The following LRRC4C variants were observed in gnomAD, a reference collection of about 807,000 sequenced individuals.
The protein encoded by LRRC4C is leucine rich repeat containing 4C, also known as leucine-rich repeat-containing protein 4C.
In LRRC4C, 5 loss-of-function variants were observed where a neutral mutation model predicts 33.6. The ratio of observed to expected loss-of-function variants is 0.15; its 90% confidence interval spans 0.08 to 0.31. The LOEUF is 0.31. Ranked by LOEUF, LRRC4C falls within the 10% of genes least tolerant of loss-of-function variation. LRRC4C has a pLI of 1.00. For synonymous variants in LRRC4C, 329 were observed against 302.0 expected, an observed-to-expected ratio of 1.09 and a Z score of -0.93; for missense variants, 560 against 796.7, an observed-to-expected ratio of 0.70 and a Z score of 3.58.
intron 3 of LRRC4C, among the ~76,000 whole-genome samples, chr11:40,585,165 A>T (rs1958663180): frequency 6.6e-6 from 1 of 152,138 alleles, no homozygotes. Flanking sequence ...AATAACTCAC[A>T]GGGACAGCAG....
At chr11:41,050,185 T>C (rs1277571715) in intron 1 of LRRC4C, among the ~76,000 whole-genome samples, 4 of 152,180 alleles carry the variant, frequency 2.6e-5, no homozygotes, top group African/African-American at 9.6e-5. Flanking sequence ...ATTCCATCAC[T>C]TAATAGTTCT....
At chr11:40,125,660 CAAGTT>C (rs895906072) in intron 6 of LRRC4C, among the ~76,000 whole-genome samples, 2 of 151,870 alleles carry the variant, frequency 1.3e-5, no homozygotes, top group Non-Finnish European at 2.9e-5. Flanking sequence ...TCAAAGGAAA[CAAGTT>C]AAGGTAAAGC....
intron 2 of LRRC4C, among the ~76,000 whole-genome samples, chr11:40,711,230 C>T (rs1355800777): frequency 6.6e-6 from 1 of 152,144 alleles, no homozygotes; most frequent in Non-Finnish European, 1.5e-5. Flanking sequence ...GTGAGATGAA[C>T]CAGGTACCTC....
intron 3 of LRRC4C, among the ~76,000 whole-genome samples, chr11:40,504,175 A>G (rs1356134294): frequency 6.6e-6 from 1 of 152,002 alleles, no homozygotes; most frequent in Non-Finnish European, 1.5e-5. Context: ...TTTTTTTAAC[A>G]TTTATCATCT....
intron 1 of LRRC4C, among the ~76,000 whole-genome samples, chr11:41,299,627 A>T (rs1950232268): frequency 1.3e-5 from 2 of 152,160 alleles, no homozygotes; most frequent in African/African-American, 4.8e-5. Context: ...TGAATTTATG[A>T]TCCATCATGA....
intron 1 of LRRC4C, among the ~76,000 whole-genome samples, chr11:41,403,801 T>C (rs1337814090): frequency 6.6e-6 from 1 of 152,102 alleles, no homozygotes; most frequent in Non-Finnish European, 1.5e-5. Flanking sequence ...GTTGATTACA[T>C]TTTTACCCTC....
chr11:40,592,638 C>A (rs992832768), intron 3 of LRRC4C, among the ~76,000 whole-genome samples: 22 of 151,886 alleles, frequency 1.4e-4, no homozygotes, highest in African/African-American at 5.3e-4. Flanking sequence ...CTGGCCTTAG[C>A]TGCTTCTGGT....
chr11:40,560,992 C>T (rs1210668835), intron 3 of LRRC4C, among the ~76,000 whole-genome samples: 1 of 152,080 alleles, frequency 6.6e-6, no homozygotes, highest in Non-Finnish European at 1.5e-5. Context: ...CAATAAATAT[C>T]CTTTGTTTTC....
intron 2 of LRRC4C, among the ~76,000 whole-genome samples, chr11:40,892,731 A>T (rs957511778): frequency 6.6e-6 from 1 of 152,214 alleles, no homozygotes; most frequent in Non-Finnish European, 1.5e-5. Context: ...GGTACCTAGA[A>T]TAGGAAAATA....
At chr11:40,506,566 A>G (rs1590946787) in intron 3 of LRRC4C, among the ~76,000 whole-genome samples, 2 of 152,180 alleles carry the variant, frequency 1.3e-5, no homozygotes, top group South Asian at 2.1e-4. Context: ...GGCCAAAGGA[A>G]ATATATTTGC....
intron 3 of LRRC4C, among the ~76,000 whole-genome samples, chr11:40,335,697 C>T (rs1274404169): frequency 6.6e-6 from 1 of 152,198 alleles, no homozygotes; most frequent in Non-Finnish European, 1.5e-5. Context: ...GAAGACTTCA[C>T]TTTTTATAAG....
intron 2 of LRRC4C, among the ~76,000 whole-genome samples, chr11:40,725,638 C>T (rs1362605340): frequency 6.6e-6 from 1 of 152,002 alleles, no homozygotes; most frequent in Non-Finnish European, 1.5e-5. Context: ...AAAAATCATA[C>T]CTTGGGTGGA....
chr11:40,545,404 T>G (rs965966938), intron 3 of LRRC4C, among the ~76,000 whole-genome samples: 2 of 151,946 alleles, frequency 1.3e-5, no homozygotes, highest in African/African-American at 4.8e-5. Context: ...AAAGAGTGGT[T>G]TTTTACAGAA....
At chr11:40,208,373 C>T (rs995878775) in intron 5 of LRRC4C, among the ~76,000 whole-genome samples, 1 of 152,124 alleles carries the variant, frequency 6.6e-6, no homozygotes, top group Non-Finnish European at 1.5e-5. Flanking sequence ...AGTCAGATAC[C>T]TACAATTTAC....
intron 1 of LRRC4C, among the ~76,000 whole-genome samples, chr11:40,960,588 G>A (rs559151480): frequency 1.3e-5 from 2 of 151,794 alleles, no homozygotes; most frequent in South Asian, 4.1e-4. Context: ...TGGAAATTAA[G>A]TTTTATACTT....
intron 1 of LRRC4C, among the ~76,000 whole-genome samples, chr11:41,084,629 A>G (rs1309620292): frequency 6.6e-6 from 1 of 152,072 alleles, no homozygotes; most frequent in African/African-American, 2.4e-5. Flanking sequence ...CGGGTGGATC[A>G]CCTGAGGTCA....
chr11:40,176,615 G>A (rs942585654), intron 5 of LRRC4C, among the ~76,000 whole-genome samples: 6 of 148,768 alleles, frequency 4.0e-5, no homozygotes, highest in South Asian at 2.1e-4. Flanking sequence ...AACATAGCTC[G>A]TTGCAGACTT....
rs189371067 is a variant in LRRC4C, at chr11:40,260,945, A to C, written c.-175-19347T>G. ...ACCCAGGCTGGAGTGCAGCGTTGCA[A>C]TCATAGCTCACTGTAACTTTGAACT... is the stretch of plus-strand genomic sequence containing the variant. On this transcript the variant is annotated intron_variant, in intron 4 of 6. Transcript: ENST00000528697. Among the ~76,000 whole-genome samples, 160 of 152,252 alleles carry C rather than the reference A, an allele frequency of 1.1e-3. 2 individuals are homozygous for C. The East Asian group carries it at 0.026, about 24-fold the overall frequency.
At chr11:40,755,279 T>C (rs907575328) in intron 2 of LRRC4C, among the ~76,000 whole-genome samples, 2 of 152,098 alleles carry the variant, frequency 1.3e-5, no homozygotes, top group African/African-American at 4.8e-5. Context: ...TGAGCTCTTT[T>C]ACTTATTAAC....
Sources: allele counts gnomAD v4.1 joint callset (sites outside exome capture counted in the v4.1 genomes callset), GRCh38; gene constraint gnomAD v4.1.1; transcripts MANE v1.5; gene names NCBI Gene and HGNC (gene_info 2026-07-23, HGNC 2026-07-21).